The following RBFOX3 variants were observed in gnomAD, a reference collection of about 807,000 sequenced individuals.
RBFOX3 encodes RNA binding protein fox-1 homolog 3.
In RBFOX3, 17 loss-of-function variants were observed where a neutral mutation model predicts 48.7. The observed-to-expected ratio is 0.35, with a 90% confidence interval of 0.24 to 0.52. The LOEUF is 0.52. Ranked by LOEUF, RBFOX3 falls within the 20% of genes least tolerant of loss-of-function variation. RBFOX3 has a pLI of 0.94. For synonymous variants in RBFOX3, 212 were observed against 209.5 expected (o/e 1.01, Z -0.10); for missense variants, 382 against 497.5 (o/e 0.77, Z 2.21).
At chr17:79,640,893 G>C in the RBFOX3 span, among the ~76,000 whole-genome samples, 1 of 152,082 alleles carries the variant, frequency 6.6e-6, no homozygotes, top group Non-Finnish European at 1.5e-5. Flanking sequence ...ACATTGGTCT[G>C]GCCAATGATT....
At chr17:79,660,131 A>G in the RBFOX3 span, among the ~76,000 whole-genome samples, 1 of 152,190 alleles carries the variant, frequency 6.6e-6, no homozygotes, top group Admixed American at 6.5e-5. Flanking sequence ...AGGTTGCAGT[A>G]AGCCAAGATA....
At chr17:79,165,812 G>A (rs530389157) in intron 4 of RBFOX3, among the ~76,000 whole-genome samples, 3 of 152,304 alleles carry the variant, frequency 2.0e-5, no homozygotes, top group African/African-American at 7.2e-5. Flanking sequence ...TGGGGGTCCC[G>A]TGCCTACCTG....
intron 4 of RBFOX3, among the ~76,000 whole-genome samples, chr17:79,167,056 G>A (rs930251559): frequency 1.1e-4 from 17 of 152,168 alleles, no homozygotes; most frequent in African/African-American, 3.6e-4. Flanking sequence ...CCGGCAAGGC[G>A]GGCACGTCAC....
intron 1 of RBFOX3, among the ~76,000 whole-genome samples, chr17:79,544,611 CCACCTGCCCCACCA>C (rs1233127950): frequency 2.0e-5 from 3 of 152,086 alleles, no homozygotes; most frequent in Non-Finnish European, 2.9e-5. Context: ...CACCTGCCAT[CCACCTGCCCCACCA>C]CACCTGCCCC....
At chr17:79,138,852 G>T (rs1370942571) in intron 4 of RBFOX3, among the ~76,000 whole-genome samples, 1 of 74,130 alleles carries the variant, frequency 1.3e-5, no homozygotes, top group Non-Finnish European at 2.5e-5. Flanking sequence ...CACAGCACAT[G>T]CATTCACGCC....
At chr17:79,370,704 C>T (rs1007812214) in intron 2 of RBFOX3, among the ~76,000 whole-genome samples, 4 of 152,208 alleles carry the variant, frequency 2.6e-5, no homozygotes, top group South Asian at 2.1e-4. Context: ...CCCTGAAATG[C>T]ACGGTCACAT....
intron 2 of RBFOX3, among the ~76,000 whole-genome samples, chr17:79,335,973 C>A (rs1037491119): frequency 6.6e-6 from 1 of 152,234 alleles, no homozygotes; most frequent in African/African-American, 2.4e-5. Flanking sequence ...GTTTCTCACA[C>A]CTGCCGGTCT....
At chr17:79,159,540 C>T (rs777191612) in intron 4 of RBFOX3, among the ~76,000 whole-genome samples, 3 of 152,190 alleles carry the variant, frequency 2.0e-5, no homozygotes, top group African/African-American at 4.8e-5. Flanking sequence ...TCCCTTCATT[C>T]TCAAGCAATA....
At chr17:79,324,699 G>A (rs2079045176) in intron 2 of RBFOX3, among the ~76,000 whole-genome samples, 2 of 152,226 alleles carry the variant, frequency 1.3e-5, no homozygotes, top group African/African-American at 4.8e-5. Flanking sequence ...TTGGAGTGGG[G>A]AGCCTGGATA....
At chr17:79,193,091 C>T (rs1173795226) in intron 4 of RBFOX3, among the ~76,000 whole-genome samples, 1 of 152,226 alleles carries the variant, frequency 6.6e-6, no homozygotes, top group Non-Finnish European at 1.5e-5. Flanking sequence ...AGGCTAATTC[C>T]TCTGCTGAGC....
chr17:79,538,927 T>C (rs369293945), intron 1 of RBFOX3, among the ~76,000 whole-genome samples: 1 of 152,242 alleles, frequency 6.6e-6, no homozygotes, highest in Non-Finnish European at 1.5e-5. Context: ...GGACAAAGCA[T>C]GAGAACAGGC....
intron 2 of RBFOX3, among the ~76,000 whole-genome samples, chr17:79,476,133 T>C (rs1208365472): frequency 2.6e-5 from 4 of 152,306 alleles, no homozygotes; most frequent in African/African-American, 7.2e-5. Flanking sequence ...ATTATTTCCA[T>C]CTGGGGAGCA....
chr17:79,334,005 C>T (rs984022644), intron 2 of RBFOX3, among the ~76,000 whole-genome samples: 31 of 152,286 alleles, frequency 2.0e-4, no homozygotes, highest in African/African-American at 6.0e-4. Context: ...GAATTCCCAC[C>T]CTGGTCACCA....
At chr17:79,105,160 G>T (rs1217150339) in intron 6 of RBFOX3, among the ~76,000 whole-genome samples, 2 of 152,240 alleles carry the variant, frequency 1.3e-5, no homozygotes, top group African/African-American at 2.4e-5. Flanking sequence ...GAGGCGGGGG[G>T]TGCAGCAAGC....
intron 2 of RBFOX3, among the ~76,000 whole-genome samples, chr17:79,448,610 A>G (rs948333910): frequency 3.9e-5 from 6 of 152,156 alleles, no homozygotes; most frequent in Non-Finnish European, 8.8e-5. Flanking sequence ...CCCTGCCCAC[A>G]CCTTGATTTC....
At chr17:79,638,431 A>T in the RBFOX3 span, among the ~76,000 whole-genome samples, 2 of 152,206 alleles carry the variant, frequency 1.3e-5, no homozygotes, top group Admixed American at 6.5e-5. Flanking sequence ...TCTGAAATAA[A>T]AAAGATTATA....
the RBFOX3 span, among the ~76,000 whole-genome samples, chr17:79,616,506 G>A: frequency 1.3e-4 from 20 of 151,034 alleles, no homozygotes; most frequent in East Asian, 3.1e-3. Context: ...ACTGCACTCC[G>A]GCTTGGGCGA....
At chr17:79,478,414 C>T (rs572704968) in intron 2 of RBFOX3, among the ~76,000 whole-genome samples, 175 of 152,142 alleles carry the variant, frequency 1.2e-3, no homozygotes, top group South Asian at 3.5e-3. Context: ...CATCTCATCA[C>T]GGCAGGCTCA....
Position 79,392,808 on chromosome 17 carries a change from T to A in RBFOX3, c.-174-84984A>T, listed in dbSNP as rs1324750952. ...ATTGCTACAGATCTCTGATGTGGGG[T>A]TGTTTGTTACTGAGCATAACCTGCT... On this transcript the variant is annotated intron_variant, in intron 2 of 14. Coordinates refer to ENST00000693108, the MANE Select transcript of RBFOX3 (RefSeq NM_001350451.2). The surrounding 1 kb of genome is among the most constrained non-coding windows in gnomAD (Gnocchi z 5.0). Among the ~76,000 whole-genome samples, 1 of 152,152 alleles carries A rather than the reference T, an allele frequency of 6.6e-6. No individual in the cohort carries two copies. The highest frequency in any genetic ancestry group is 2.4e-5 in the African/African-American group (1 of 41,416).
Sources: allele counts gnomAD v4.1 joint callset (sites outside exome capture counted in the v4.1 genomes callset), GRCh38; gene constraint gnomAD v4.1.1; non-coding constraint Gnocchi (gnomAD v3.1); transcripts MANE v1.5; gene names NCBI Gene and HGNC (gene_info 2026-07-23, HGNC 2026-07-21).